NCKAP5: variants seen among roughly 807,000 people sequenced by gnomAD.
NCKAP5 encodes the protein NCK associated protein 5.
NCKAP5 carries 92 observed loss-of-function variants against 167.0 expected under a neutral mutation model. The ratio of observed to expected loss-of-function variants is 0.55; its 90% CI spans 0.47 to 0.66. NCKAP5 has a LOEUF of 0.66. NCKAP5 is among the 30% of genes least tolerant of loss of function. The pLI is 0.00. For missense variants in NCKAP5, 2,378 were observed against 2,315.0 expected, an observed-to-expected ratio of 1.03 and a Z score of -0.56; for synonymous variants, 891 against 877.4, an observed-to-expected ratio of 1.02 and a Z score of -0.27.
intron 16 of NCKAP5, among the ~76,000 whole-genome samples, chr2:132,741,413 G>C (rs776938100): frequency 6.6e-6 from 1 of 152,086 alleles, no homozygotes; most frequent in Non-Finnish European, 1.5e-5. Flanking sequence ...ATACGTAAGA[G>C]TGGGCTAATG....
chr2:133,434,764 G>A (rs1341707046), intron 3 of NCKAP5, among the ~76,000 whole-genome samples: 1 of 152,148 alleles, frequency 6.6e-6, no homozygotes, highest in Non-Finnish European at 1.5e-5. Flanking sequence ...TGAATGAATG[G>A]TTGACTATAA....
Position 132,782,647 on chromosome 2 carries a change from C to G in NCKAP5, c.4164G>C (p.Gln1388His). The G allele has an allele frequency of 1.2e-6, 2 of 1,609,662 alleles. No homozygotes were observed. The highest frequency in any genetic ancestry group is 1.7e-6 in the Non-Finnish European group (2 of 1,177,810). The stretch of plus-strand genomic sequence containing the variant: ...GGCACTCTCCCTGGGTGAAGGCCTG[C>G]TGGTCTTCCTTTCCAGGTGGGATGA... ...GLLIPPGKED[Q>H]QAFTQGECPS... Residue 1388 changes from glutamine (Q) to histidine (H), a missense_variant, in exon 14 of 20, where the codon CAG becomes CAC. This residue lies in a region of NCKAP5 where 1,325 missense variants were observed against 1,274.5 expected (regional missense o/e 1.04). Transcript: ENST00000409261.
intron 5 of NCKAP5, among the ~76,000 whole-genome samples, chr2:133,210,193 T>TATAATATAATATAATATAATATAAC (rs1224715676): frequency 2.7e-5 from 4 of 148,960 alleles, no homozygotes; most frequent in East Asian, 3.9e-4. Flanking sequence ...TATAATATAA[T>TATAATATAATATAATATAATATAAC]ATAACATAAT....
At chr2:133,510,105 C>A (rs933206636) in intron 3 of NCKAP5, among the ~76,000 whole-genome samples, 1 of 152,166 alleles carries the variant, frequency 6.6e-6, no homozygotes, top group African/African-American at 2.4e-5. Context: ...AATGGCATTT[C>A]TTCCAGAATC....
At chr2:132,694,948 A>G (rs947079548) in intron 19 of NCKAP5, among the ~76,000 whole-genome samples, 3 of 152,200 alleles carry the variant, frequency 2.0e-5, no homozygotes, top group Admixed American at 1.3e-4. Flanking sequence ...GAGGCTGGAA[A>G]GTCCAAGATC....
the NCKAP5 span, among the ~76,000 whole-genome samples, chr2:133,658,452 C>T: frequency 6.6e-6 from 1 of 152,146 alleles, no homozygotes; most frequent in African/African-American, 2.4e-5. Flanking sequence ...GGCTCTGACT[C>T]ATCCATACAA....
At chr2:133,524,018 T>A (rs1252047909) in intron 2 of NCKAP5, among the ~76,000 whole-genome samples, 1 of 152,090 alleles carries the variant, frequency 6.6e-6, no homozygotes, top group Non-Finnish European at 1.5e-5. Context: ...TTGGCAACCA[T>A]CAGTTAAGAG....
intron 4 of NCKAP5, among the ~76,000 whole-genome samples, chr2:133,263,747 T>C (rs1001554172): frequency 7.2e-5 from 11 of 152,168 alleles, no homozygotes; most frequent in African/African-American, 2.7e-4. Flanking sequence ...TTTATCCATG[T>C]GAGATATGAC....
intron 1 of NCKAP5, among the ~76,000 whole-genome samples, chr2:133,563,564 T>TAAAAAAAAAAAAA (rs57901498): frequency 9.4e-5 from 5 of 53,014 alleles, no homozygotes; most frequent in Admixed American, 3.1e-4. Flanking sequence ...AAAGACTCCA[T>TAAAAAAAAAAAAA]AAAAAAAAAA....
chr2:132,677,494 GTGGTCT>G (rs1684646147), intron 19 of NCKAP5, among the ~76,000 whole-genome samples: 1 of 152,100 alleles, frequency 6.6e-6, no homozygotes, highest in African/African-American at 2.4e-5. Context: ...AAACAGTCTT[GTGGTCT>G]TGATTCTCAG....
the NCKAP5 span, among the ~76,000 whole-genome samples, chr2:133,647,890 C>T: frequency 6.6e-6 from 1 of 151,932 alleles, no homozygotes; most frequent in Non-Finnish European, 1.5e-5. Context: ...TTTTCCCTAA[C>T]GATGATTACG....
chr2:133,416,591 T>C (rs1689122478), intron 3 of NCKAP5, among the ~76,000 whole-genome samples: 1 of 151,888 alleles, frequency 6.6e-6, no homozygotes, highest in Non-Finnish European at 1.5e-5. Flanking sequence ...ACTGTTAAAC[T>C]AGACTTTCAG....
At chr2:133,571,736 A>G (rs1390561267), upstream of NCKAP5, among the ~76,000 whole-genome samples, 1 of 152,190 alleles carries the variant, frequency 6.6e-6, no homozygotes, top group Non-Finnish European at 1.5e-5. Flanking sequence ...GATGACATGT[A>G]TTACAAGGGA....
intron 5 of NCKAP5, among the ~76,000 whole-genome samples, chr2:133,162,832 G>A (rs2083852778): frequency 6.6e-6 from 1 of 152,138 alleles, no homozygotes; most frequent in Non-Finnish European, 1.5e-5. Flanking sequence ...TAAAATAACT[G>A]TGTGTTTGTA....
chr2:132,723,703 G>A (rs1193605806), intron 19 of NCKAP5, among the ~76,000 whole-genome samples: 1 of 152,174 alleles, frequency 6.6e-6, no homozygotes, highest in Non-Finnish European at 1.5e-5. Flanking sequence ...CAGACATAGA[G>A]CATTTCCATC....
chr2:133,322,170 T>G (rs1233874252), intron 3 of NCKAP5, among the ~76,000 whole-genome samples: 8 of 152,220 alleles, frequency 5.3e-5, no homozygotes, highest in Admixed American at 5.2e-4. Context: ...TTAATAGGCA[T>G]AGTCTTTCCA....
At chr2:132,736,938 G>A (rs993239196) in intron 16 of NCKAP5, among the ~76,000 whole-genome samples, 4 of 152,188 alleles carry the variant, frequency 2.6e-5, no homozygotes, top group Non-Finnish European at 4.4e-5. Flanking sequence ...ATCCTTGCAA[G>A]GTCACCAATT....
intron 19 of NCKAP5, among the ~76,000 whole-genome samples, chr2:132,704,230 G>C (rs1558945780): frequency 6.6e-6 from 1 of 152,106 alleles, no homozygotes; most frequent in African/African-American, 2.4e-5. Flanking sequence ...GTATCACTGA[G>C]CCCAGAGGTG....
At chr2:133,078,998 T>C (rs2080712072) in intron 6 of NCKAP5, among the ~76,000 whole-genome samples, 4 of 152,050 alleles carry the variant, frequency 2.6e-5, no homozygotes, top group Admixed American at 1.3e-4. Context: ...AACTAGAAAG[T>C]TCAAAGCACT....
Sources: gnomAD v4.1 joint callset for allele counts (sites outside exome capture counted in the v4.1 genomes callset) on GRCh38, gnomAD v4.1.1 for gene constraint, gnomAD v4.1.1 regional missense constraint, MANE v1.5 for transcripts, NCBI Gene and HGNC (gene_info 2026-07-23, HGNC 2026-07-21) for gene names.